The following FARS2 variants were observed in gnomAD, a reference collection of about 807,000 sequenced individuals.
FARS2 encodes phenylalanine--tRNA ligase, mitochondrial.
A neutral mutation model predicts 46.4 loss-of-function variants in FARS2; 40 were observed. The ratio of observed to expected loss-of-function variants is 0.86; its 90% CI spans 0.67 to 1.12. The LOEUF (loss-of-function observed/expected upper bound fraction) is 1.12. Ranked by LOEUF, FARS2 falls within the 50% of genes most tolerant of loss-of-function variation. FARS2 has a pLI of 0.00. For missense variants in FARS2, 513 were observed against 567.9 expected (o/e 0.90, Z 0.98); for synonymous variants, 234 against 214.9 (o/e 1.09, Z -0.78).
At chr6:5,745,430 T>A (rs144983643) in intron 6 of FARS2, among the ~76,000 whole-genome samples, 1 of 152,260 alleles carries the variant, frequency 6.6e-6, no homozygotes, top group Non-Finnish European at 1.5e-5. Flanking sequence ...TTTCTGTTTG[T>A]GTATATCTCT....
rs557914365 is a variant in FARS2, at chr6:5,269,493, A to G, written c.-22+7833A>G. 4.6e-5 allele frequency among the ~76,000 whole-genome samples: 7 copies of G among 152,208 alleles called. No homozygotes were observed. The South Asian group carries it at 6.2e-4, about 14-fold the overall frequency. On this transcript the variant is annotated intron_variant, in intron 1 of 6. Coordinates refer to ENST00000274680, the MANE Select transcript of FARS2 (RefSeq NM_006567.5). ...AAATGAAAATAACCAAAAAAAAAAA[A>G]AGAGAAAAGAAGAGTCCTTTCATTG...
intron 6 of FARS2, among the ~76,000 whole-genome samples, chr6:5,715,440 G>A (rs1047813304): frequency 1.3e-5 from 2 of 152,116 alleles, no homozygotes; most frequent in African/African-American, 4.8e-5. Context: ...AGACCCCTCA[G>A]CAATCACCGC....
intron 4 of FARS2, among the ~76,000 whole-genome samples, chr6:5,460,163 C>T (rs1218585707): frequency 6.6e-6 from 1 of 152,012 alleles, no homozygotes; most frequent in Non-Finnish European, 1.5e-5. Context: ...CTTTTTTTGT[C>T]TGCTTAGTTT....
intron 2 of FARS2, among the ~76,000 whole-genome samples, chr6:5,374,733 G>C (rs1759269872): frequency 3.3e-5 from 5 of 151,922 alleles, no homozygotes; most frequent in Admixed American, 2.6e-4. Flanking sequence ...TCAATTCATT[G>C]ATTTATTGTG....
intron 4 of FARS2, among the ~76,000 whole-genome samples, chr6:5,462,669 CTT>C (rs1281094901): frequency 7.2e-5 from 11 of 152,138 alleles, no homozygotes; most frequent in Admixed American, 6.5e-4. Context: ...GCCTTGGTAT[CTT>C]TGTTGAAAAT....
the FARS2 span, among the ~76,000 whole-genome samples, chr6:5,254,773 G>A: frequency 3.3e-5 from 5 of 152,012 alleles, no homozygotes; most frequent in African/African-American, 1.2e-4. Flanking sequence ...ATGAAATACC[G>A]TTCATTCTGT....
intron 5 of FARS2, among the ~76,000 whole-genome samples, chr6:5,579,250 C>T (rs1482957653): frequency 1.3e-5 from 2 of 151,968 alleles, no homozygotes; most frequent in African/African-American, 2.4e-5. Context: ...TGACTTTGCC[C>T]ATCTTATTAT....
chr6:5,583,104 A>G (rs1376066698), intron 5 of FARS2, among the ~76,000 whole-genome samples: 1 of 152,242 alleles, frequency 6.6e-6, no homozygotes, highest in African/African-American at 2.4e-5. Context: ...TCAATGGATA[A>G]GTGGTCCCTG....
intron 1 of FARS2, among the ~76,000 whole-genome samples, chr6:5,303,852 G>A (rs6597125): frequency 0.63 from 95,825 of 151,708 alleles, 30,484 homozygotes; most frequent in East Asian, 0.8. Context: ...CTCGTAATGA[G>A]GGGAATTGAC....
chr6:5,499,959 CATACATTA>C (rs1337994175), intron 4 of FARS2, among the ~76,000 whole-genome samples: 3 of 152,188 alleles, frequency 2.0e-5, no homozygotes, highest in African/African-American at 7.2e-5. Flanking sequence ...CTTCTCTCTG[CATACATTA>C]ATACAAGGGG....
At chr6:5,552,428 G>T (rs1333414869) in intron 5 of FARS2, among the ~76,000 whole-genome samples, 2 of 152,072 alleles carry the variant, frequency 1.3e-5, no homozygotes, top group African/African-American at 4.8e-5. Flanking sequence ...CTCTTCCTTG[G>T]TCTCCTTTTA....
intron 1 of FARS2, among the ~76,000 whole-genome samples, chr6:5,293,428 G>T (rs1199415253): frequency 6.6e-6 from 1 of 152,118 alleles, no homozygotes; most frequent in Non-Finnish European, 1.5e-5. Flanking sequence ...CATGCTAGGA[G>T]GGGAGGAGGT....
chr6:5,471,040 C>G lies in FARS2; in HGVS notation c.904+39868C>G, dbSNP rs1765779598. On this transcript the variant is annotated intron_variant, in intron 4 of 6. Transcript: ENST00000274680. This position sits in a 1 kb window ranked among gnomAD's most constrained non-coding sequence, Gnocchi z 4.1. ...CTGTGTTCCTTTCTTCCTGCTCTTA[C>G]TGATCAGAAAAGGCTTTCTAAGCTA... Among the ~76,000 whole-genome samples the G allele has an allele frequency of 6.6e-6, 1 of 152,146 alleles. No homozygotes were observed. The highest frequency in any genetic ancestry group is 1.5e-5 in the Non-Finnish European group (1 of 68,040).
intron 6 of FARS2, among the ~76,000 whole-genome samples, chr6:5,621,751 C>A (rs914130565): frequency 6.6e-6 from 1 of 152,110 alleles, no homozygotes; most frequent in Admixed American, 6.5e-5. Context: ...CAGGATAGAC[C>A]CACTCATGGT....
intron 4 of FARS2, among the ~76,000 whole-genome samples, chr6:5,520,105 A>G (rs1364079469): frequency 6.6e-6 from 1 of 152,166 alleles, no homozygotes; most frequent in African/African-American, 2.4e-5. Flanking sequence ...CCTGGAACTA[A>G]GGAGGAACCT....
chr6:5,662,253 C>T (rs1410176404), intron 6 of FARS2, among the ~76,000 whole-genome samples: 2 of 151,950 alleles, frequency 1.3e-5, no homozygotes, highest in African/African-American at 4.8e-5. Context: ...TTATATTTTC[C>T]CATCCTTGCA....
intron 1 of FARS2, among the ~76,000 whole-genome samples, chr6:5,364,036 C>G (rs1758490520): frequency 6.6e-6 from 1 of 152,132 alleles, no homozygotes; most frequent in African/African-American, 2.4e-5. Flanking sequence ...ATCTGTTTCC[C>G]TCTACAAAAG....
intron 6 of FARS2, among the ~76,000 whole-genome samples, chr6:5,766,897 T>G (rs78378929): frequency 0.081 from 12,348 of 151,654 alleles, 938 homozygotes; most frequent in East Asian, 0.28. Flanking sequence ...GTAAATGGAA[T>G]TGTACAATAT....
chr6:5,374,288 G>A (rs1759240709), intron 2 of FARS2, among the ~76,000 whole-genome samples: 1 of 151,882 alleles, frequency 6.6e-6, no homozygotes, highest in Non-Finnish European at 1.5e-5. Flanking sequence ...ACTGGGATCC[G>A]TCAGTCAGTC....
Sources: gnomAD v4.1 joint callset for allele counts (sites outside exome capture counted in the v4.1 genomes callset) on GRCh38, gnomAD v4.1.1 for gene constraint, Gnocchi (gnomAD v3.1) non-coding constraint, MANE v1.5 for transcripts, NCBI Gene and HGNC (gene_info 2026-07-23, HGNC 2026-07-21) for gene names.